NPAS3: variants seen among roughly 807,000 people sequenced by gnomAD.
NPAS3 encodes the protein neuronal PAS domain-containing protein 3.
Under a neutral mutation model 73.1 loss-of-function variants are expected in NPAS3, and 14 were observed. The ratio of observed to expected loss-of-function variants is 0.19; its 90% CI spans 0.13 to 0.30. The LOEUF is 0.30. NPAS3 is among the 10% of genes least tolerant of loss of function. The pLI, the probability that NPAS3 is intolerant of heterozygous loss-of-function variation, is 1.00. For synonymous variants in NPAS3, 620 were observed against 541.5 expected (o/e 1.14, Z -2.01); for missense variants, 1,096 against 1,250.0 (o/e 0.88, Z 1.86).
chr14:33,519,054 G>A (rs1416862212), intron 4 of NPAS3, among the ~76,000 whole-genome samples: 1 of 152,014 alleles, frequency 6.6e-6, no homozygotes, highest in Non-Finnish European at 1.5e-5. Context: ...GTACCTATTT[G>A]TTACACACAA....
intron 3 of NPAS3, among the ~76,000 whole-genome samples, chr14:33,294,874 G>A (rs374892784): frequency 7.2e-5 from 11 of 152,140 alleles, no homozygotes; most frequent in South Asian, 2.1e-4. Context: ...TCAAGGAACC[G>A]ATGAGGTGTG....
At chr14:33,158,956 A>C (rs2044748374) in intron 2 of NPAS3, among the ~76,000 whole-genome samples, 1 of 152,154 alleles carries the variant, frequency 6.6e-6, no homozygotes, top group Admixed American at 6.5e-5. Context: ...TGAAGTCAGG[A>C]GTTCGAGACC....
intron 1 of NPAS3, among the ~76,000 whole-genome samples, chr14:33,022,523 G>A (rs2039637517): frequency 6.6e-6 from 1 of 152,062 alleles, no homozygotes; most frequent in Non-Finnish European, 1.5e-5. Flanking sequence ...AAAGTAGCTG[G>A]GCGTGGTGGC....
At chr14:33,311,563 G>A (rs2140195995) in intron 3 of NPAS3, among the ~76,000 whole-genome samples, 1 of 152,064 alleles carries the variant, frequency 6.6e-6, no homozygotes, top group African/African-American at 2.4e-5. Flanking sequence ...TAGCAATCTT[G>A]TTATAATTTT....
intron 4 of NPAS3, among the ~76,000 whole-genome samples, chr14:33,371,231 A>G (rs2046073524): frequency 6.6e-6 from 1 of 152,178 alleles, no homozygotes; most frequent in African/African-American, 2.4e-5. Flanking sequence ...CAAATCCTGA[A>G]GAGATGTCAT....
chr14:33,632,223 G>C (rs2058397524), intron 5 of NPAS3, among the ~76,000 whole-genome samples: 3 of 152,140 alleles, frequency 2.0e-5, no homozygotes, highest in Admixed American at 6.6e-5. Context: ...GTCAACTTTA[G>C]CCATACCTGA....
intron 4 of NPAS3, among the ~76,000 whole-genome samples, chr14:33,408,528 A>G (rs939696803): frequency 6.6e-6 from 1 of 152,158 alleles, no homozygotes; most frequent in Non-Finnish European, 1.5e-5. Context: ...ATTGGCCACC[A>G]TCCAAACATT....
chr14:33,249,582 CTCTT>C (rs1014360118), intron 3 of NPAS3, among the ~76,000 whole-genome samples: 3 of 152,132 alleles, frequency 2.0e-5, no homozygotes, highest in African/African-American at 7.2e-5. Context: ...AGGATACTAA[CTCTT>C]TCCTTCTTCC....
intron 2 of NPAS3, among the ~76,000 whole-genome samples, chr14:33,109,202 G>A (rs1347271125): frequency 6.6e-6 from 1 of 152,116 alleles, no homozygotes; most frequent in Non-Finnish European, 1.5e-5. Context: ...TCTAAACTGA[G>A]CATGAGGTTA....
intron 1 of NPAS3, among the ~76,000 whole-genome samples, chr14:33,002,808 G>A (rs1381984677): frequency 1.3e-5 from 2 of 152,196 alleles, no homozygotes; most frequent in Non-Finnish European, 2.9e-5. Context: ...TTCAGATGCA[G>A]ATGTACTACA....
At chr14:33,195,621 CCA>C (rs1477308295) in intron 2 of NPAS3, among the ~76,000 whole-genome samples, 5 of 152,192 alleles carry the variant, frequency 3.3e-5, no homozygotes, top group Non-Finnish European at 7.3e-5. Flanking sequence ...TTTGTATAAA[CCA>C]CACTCTTCTT....
At chr14:33,224,443 A>G (rs770686094) in intron 3 of NPAS3, among the ~76,000 whole-genome samples, 5 of 152,100 alleles carry the variant, frequency 3.3e-5, no homozygotes, top group Non-Finnish European at 5.9e-5. Flanking sequence ...GTCTTTGAAT[A>G]TTGATTGACT....
At chr14:33,591,249 C>G (rs2057053664) in intron 5 of NPAS3, among the ~76,000 whole-genome samples, 1 of 152,108 alleles carries the variant, frequency 6.6e-6, no homozygotes, top group Admixed American at 6.5e-5. Context: ...CCTCACTGCC[C>G]ACTCTTCTCG....
intron 2 of NPAS3, among the ~76,000 whole-genome samples, chr14:33,141,421 A>G (rs2044038855): frequency 6.6e-6 from 1 of 152,214 alleles, no homozygotes; most frequent in Non-Finnish European, 1.5e-5. Flanking sequence ...CTCCATGATT[A>G]TCAAAATAAA....
At chr14:33,464,903 C>A (rs552388874) in intron 4 of NPAS3, among the ~76,000 whole-genome samples, 1 of 152,274 alleles carries the variant, frequency 6.6e-6, no homozygotes, top group South Asian at 2.1e-4. Context: ...AGGGGCCTGG[C>A]ACACAGTAAG....
intron 9 of NPAS3, among the ~76,000 whole-genome samples, chr14:33,792,443 T>A (rs1204353748): frequency 6.6e-6 from 1 of 152,156 alleles, no homozygotes; most frequent in Non-Finnish European, 1.5e-5. Flanking sequence ...CAAGTTTATA[T>A]GTTTATGGAT....
intron 2 of NPAS3, among the ~76,000 whole-genome samples, chr14:33,172,676 C>T (rs949278029): frequency 4.0e-5 from 6 of 151,700 alleles, no homozygotes; most frequent in East Asian, 1.9e-4. Flanking sequence ...GCGGAGGTTA[C>T]GCTGAACTGA....
chr14:33,010,638 T>C (rs934677856), intron 1 of NPAS3, among the ~76,000 whole-genome samples: 1 of 152,168 alleles, frequency 6.6e-6, no homozygotes, highest in Non-Finnish European at 1.5e-5. Context: ...AAATAAAGAC[T>C]GCAGACTCTT....
intron 1 of NPAS3, among the ~76,000 whole-genome samples, chr14:33,025,426 C>T (rs540631527): frequency 6.6e-6 from 1 of 152,180 alleles, no homozygotes; most frequent in Non-Finnish European, 1.5e-5. Flanking sequence ...TTCTGCCTAA[C>T]CTGACCTACT....
Sources: allele counts gnomAD v4.1 joint callset (sites outside exome capture counted in the v4.1 genomes callset), GRCh38; gene constraint gnomAD v4.1.1; transcripts MANE v1.5; gene names NCBI Gene and HGNC (gene_info 2026-07-23, HGNC 2026-07-21).